Variants in PDZD2 observed in about 807,000 individuals in gnomAD.
PDZD2 encodes the protein PDZ domain containing 2, also known as PDZ domain-containing protein 2.
Under a neutral mutation model 220.7 loss-of-function variants are expected in PDZD2, and 90 were observed. The ratio of observed to expected loss-of-function variants is 0.41; its 90% CI spans 0.34 to 0.49. The LOEUF (loss-of-function observed/expected upper bound fraction) is 0.49. Ranked by LOEUF, PDZD2 falls within the 20% of genes least tolerant of loss-of-function variation. The probability of loss-of-function intolerance (pLI) is 0.28; values close to 1 mark genes in which losing one functional copy is unlikely to be tolerated. For missense variants in PDZD2, 3,174 were observed against 3,608.5 expected (o/e 0.88, Z 3.08); for synonymous variants, 1,375 against 1,450.5 (o/e 0.95, Z 1.18).
At position 31,752,068 on chromosome 5, in the gene PDZD2, G is replaced by GTTTTTTTTTTTTTTTTTTTTTTTT. The variant is rs1251840861; in HGVS notation, c.-360-46821_-360-46820insTTTTTTTTTTTTTTTTTTTTTTTT. 4.8e-4 allele frequency among the ~76,000 whole-genome samples: 46 copies of GTTTTTTTTTTTTTTTTTTTTTTTT among 95,926 alleles called. 13 individuals carry two copies. Among genetic ancestry groups the GTTTTTTTTTTTTTTTTTTTTTTTT allele is most frequent in the African/African-American group, 9.1e-4 (20 of 22,058 alleles). The allele number at this position is 95,926 out of a possible 152,430, so 62.9% of individuals were successfully genotyped here. ...TTTGTTTGTTTGTTTTATTGTTTTG[G>GTTTTTTTTTTTTTTTTTTTTTTTT]GTTTGTTTTTTTTTTTTTTTTTCTG... is the stretch of plus-strand genomic sequence containing the variant. On this transcript the variant is annotated intron_variant, in intron 1 of 24. Transcript: ENST00000438447.
chr5:31,715,057 TA>T (rs11310820), intron 1 of PDZD2, among the ~76,000 whole-genome samples: 93,728 of 142,438 alleles, frequency 0.66, 30,935 homozygotes, highest in African/African-American at 0.76. Flanking sequence ...ACACTCTGTC[TA>T]AAAAAAAAAA....
intron 2 of PDZD2, among the ~76,000 whole-genome samples, chr5:31,833,467 C>CA (rs767208821): frequency 6.7e-6 from 1 of 148,946 alleles, no homozygotes; most frequent in African/African-American, 2.5e-5. Flanking sequence ...GACCCTGTCT[C>CA]AAAAAAAAAA....
intron 2 of PDZD2, among the ~76,000 whole-genome samples, chr5:31,907,913 T>C (rs1274140896): frequency 6.6e-6 from 1 of 151,660 alleles, no homozygotes; most frequent in African/African-American, 2.4e-5. Flanking sequence ...TGAAACCCCG[T>C]CTTTACTAAA....
At chr5:31,719,695 A>G (rs1037487352) in intron 1 of PDZD2, among the ~76,000 whole-genome samples, 1 of 152,252 alleles carries the variant, frequency 6.6e-6, no homozygotes, top group Non-Finnish European at 1.5e-5. Context: ...TTACTGAAAG[A>G]AAGAGGACTT....
chr5:31,802,788 C>T (rs546876531), intron 2 of PDZD2, among the ~76,000 whole-genome samples: 186 of 151,932 alleles, frequency 1.2e-3, no homozygotes, highest in African/African-American at 4.2e-3. Flanking sequence ...GGCGTGGTGG[C>T]GGGTGCCTGT....
At position 32,089,173 on chromosome 5, in the gene PDZD2, G is replaced by T. The variant is rs541027562; in HGVS notation, c.5725G>T (p.Gly1909Trp). 1 of 1,614,012 alleles carries T rather than the reference G, an allele frequency of 6.2e-7. No individual in the cohort carries two copies. The highest frequency in any genetic ancestry group is 1.7e-5 in the Admixed American group (1 of 60,000). The change falls in exon 20 of 25, where the codon GGG (glycine) becomes TGG (tryptophan). Residue 1909 changes from glycine (G) to tryptophan (W), a missense_variant. Around this residue, in one of 4 missense-constraint regions of PDZD2, gnomAD observed 1,861 missense variants for 2,001.0 expected, o/e 0.93. Transcript: ENST00000438447. Reference sequence around the variant, plus strand: ...CCCTGCTGCGAATGCTGTGAAGGCTGGGGGGACGGACCACAGGAAACCCTT... The same window carrying T: ...CCCTGCTGCGAATGCTGTGAAGGCTTGGGGGACGGACCACAGGAAACCCTT... ...EAPAANAVKA[G>W]GTDHRKPLIS...
intron 2 of PDZD2, among the ~76,000 whole-genome samples, chr5:31,966,535 A>G (rs920453534): frequency 1.5e-4 from 23 of 152,218 alleles, no homozygotes; most frequent in Admixed American, 3.9e-4. Context: ...AGAGAGATTG[A>G]ACCCATCACA....
intron 19 of PDZD2, among the ~76,000 whole-genome samples, chr5:32,085,730 A>G (rs1006677412): frequency 6.6e-6 from 1 of 152,018 alleles, no homozygotes; most frequent in African/African-American, 2.4e-5. Context: ...TACAGGCGTG[A>G]GCCACCATGC....
At chr5:31,648,822 A>G (rs1363814333) in intron 1 of PDZD2, among the ~76,000 whole-genome samples, 1 of 152,116 alleles carries the variant, frequency 6.6e-6, no homozygotes, top group Non-Finnish European at 1.5e-5. Context: ...GTTACAGTCG[A>G]TGAACCTGTG....
chr5:31,679,628 C>A (rs1176468001), intron 1 of PDZD2, among the ~76,000 whole-genome samples: 3 of 152,214 alleles, frequency 2.0e-5, no homozygotes, highest in Non-Finnish European at 4.4e-5. Flanking sequence ...CTGCCTCAGC[C>A]TCCCTAGTAG....
intron 2 of PDZD2, among the ~76,000 whole-genome samples, chr5:31,973,848 C>G (rs538793958): frequency 1.3e-5 from 2 of 152,104 alleles, no homozygotes; most frequent in Admixed American, 1.3e-4. Context: ...ATAGCAAGAC[C>G]CCATTTCTAT....
intron 1 of PDZD2, among the ~76,000 whole-genome samples, chr5:31,671,622 C>T (rs1292222908): frequency 1.3e-5 from 2 of 152,200 alleles, no homozygotes; most frequent in South Asian, 4.1e-4. Context: ...ATGGTTGCTC[C>T]TGCTGTGAAA....
At chr5:31,680,135 T>C (rs1746596542) in intron 1 of PDZD2, among the ~76,000 whole-genome samples, 1 of 152,208 alleles carries the variant, frequency 6.6e-6, no homozygotes, top group South Asian at 2.1e-4. Context: ...TCATTTGCTC[T>C]TTAATTCATT....
intron 13 of PDZD2, among the ~76,000 whole-genome samples, chr5:32,059,696 A>C (rs1431381944): frequency 6.6e-6 from 1 of 152,216 alleles, no homozygotes; most frequent in African/African-American, 2.4e-5. Context: ...CATATATAAA[A>C]TTCATATGAA....
intron 5 of PDZD2, among the ~76,000 whole-genome samples, chr5:32,004,724 G>A (rs1752670138): frequency 6.6e-6 from 1 of 152,216 alleles, no homozygotes; most frequent in African/African-American, 2.4e-5. Flanking sequence ...GCACCAAGCT[G>A]CCTTTATGCA....
intron 2 of PDZD2, among the ~76,000 whole-genome samples, chr5:31,907,228 C>A (rs932279950): frequency 2.0e-5 from 3 of 152,204 alleles, no homozygotes; most frequent in Non-Finnish European, 4.4e-5. Context: ...GCTGGAAAGA[C>A]GAAAGTACCA....
At position 32,089,874 on chromosome 5, in the gene PDZD2, T is replaced by C. The variant is rs1174088238; in HGVS notation, c.6426T>C (p.Ser2142=). The change falls in exon 20 of 25, where the codon AGT becomes AGC. Residue 2142 remains serine, a synonymous_variant. Transcript: ENST00000438447. Reference sequence around the variant, plus strand: ...GCCAGGTCGCAGAATCATCCACAAGTCATCCATCCTCACTCCCATCTCATG... The same window carrying C: ...GCCAGGTCGCAGAATCATCCACAAGCCATCCATCCTCACTCCCATCTCATG... ...LYRQVAESST[S]HPSSLPSHAS... The C allele has an allele frequency of 1.9e-6, 3 of 1,612,850 alleles. No individual in the cohort carries two copies. Among genetic ancestry groups the C allele is most frequent in the African/African-American group, 2.7e-5 (2 of 74,886 alleles).
chr5:32,051,288 C>A (rs76774873), intron 8 of PDZD2, among the ~76,000 whole-genome samples: 1 of 151,960 alleles, frequency 6.6e-6, no homozygotes, highest in Non-Finnish European at 1.5e-5. Context: ...CTTGCCAAGC[C>A]CACATCATTT....
At position 32,002,621 on chromosome 5, in the gene PDZD2, A is replaced by AC. The variant is rs1187040944; in HGVS notation, c.1254+2351dup. On this transcript the variant is annotated intron_variant, in intron 5 of 24. Coordinates refer to ENST00000438447, the MANE Select transcript of PDZD2 (RefSeq NM_178140.4). The stretch of plus-strand genomic sequence containing the variant: ...ACACACACCACACACACACCAACAC[A>AC]CACCAACACACCACCAACACACACA... 6.1e-3 allele frequency among the ~76,000 whole-genome samples: 817 copies of AC among 134,426 alleles called. 9 individuals carry two copies. The highest frequency in any genetic ancestry group is 0.012 in the Admixed American group (152 of 13,160). The allele number at this position is 134,426 out of a possible 152,430, so 88.2% of individuals were successfully genotyped here.
Sources: allele counts gnomAD v4.1 joint callset (sites outside exome capture counted in the v4.1 genomes callset), GRCh38; gene constraint gnomAD v4.1.1; regional missense constraint gnomAD v4.1.1; transcripts MANE v1.5; gene names NCBI Gene and HGNC (gene_info 2026-07-23, HGNC 2026-07-21).